FSD1L: variants seen among roughly 807,000 people sequenced by gnomAD.
FSD1L encodes the protein FSD1-like protein.
A neutral mutation model predicts 71.6 loss-of-function variants in FSD1L; 45 were observed. The observed-to-expected ratio is 0.63, with a 90% CI of 0.49 to 0.81. The LOEUF is 0.81. Among genes scored for constraint, FSD1L ranks in the 30% least tolerant of loss-of-function variants. FSD1L has a pLI of 0.00. For synonymous variants in FSD1L, 197 were observed against 207.2 expected (o/e 0.95, Z 0.42); for missense variants, 561 against 618.1 (o/e 0.91, Z 0.98).
intron 10 of FSD1L, among the ~76,000 whole-genome samples, chr9:105,517,022 GA>G (rs1317684095): frequency 3.3e-5 from 5 of 152,172 alleles, no homozygotes; most frequent in African/African-American, 1.2e-4. Flanking sequence ...AGAACTTCGT[GA>G]AGCAAACAAA....
At chr9:105,534,018 C>T (rs1047864250) in intron 10 of FSD1L, among the ~76,000 whole-genome samples, 1 of 152,162 alleles carries the variant, frequency 6.6e-6, no homozygotes, top group Admixed American at 6.5e-5. Flanking sequence ...AGCCACCGTG[C>T]CTGGCCGCCA....
At chr9:105,446,105 C>CAAA (rs146571180), upstream of FSD1L, among the ~76,000 whole-genome samples, 41,099 of 149,532 alleles carry the variant, frequency 0.27, 5,722 homozygotes, top group Non-Finnish European at 0.31. Flanking sequence ...ATTCAGCCCT[C>CAAA]AAAAAAAAAA....
chr9:105,493,469 G>A (rs1833106383), intron 7 of FSD1L, among the ~76,000 whole-genome samples: 1 of 151,494 alleles, frequency 6.6e-6, no homozygotes, highest in Non-Finnish European at 1.5e-5. Flanking sequence ...GCCAGTCTGT[G>A]TCTTTTAATT....
chr9:105,490,411 T>G (rs1227430952), intron 7 of FSD1L, among the ~76,000 whole-genome samples: 1 of 152,256 alleles, frequency 6.6e-6, no homozygotes, highest in East Asian at 1.9e-4. Context: ...ACCTGCCCTT[T>G]GTCAGATGAG....
intron 7 of FSD1L, among the ~76,000 whole-genome samples, chr9:105,502,824 T>TA (rs934749763): frequency 4.1e-4 from 58 of 142,690 alleles, no homozygotes; most frequent in African/African-American, 8.5e-4. Context: ...GAGGTATGAT[T>TA]AAAAAAAAAA....
chr9:105,447,676 C>T (rs1421363956), upstream of FSD1L: 2 of 164,460 alleles, frequency 1.2e-5, no homozygotes, highest in African/African-American at 2.4e-5. Context: ...AGCCCTTTTC[C>T]TCCCTTTGGA....
chr9:105,481,253 C>T (rs1296133365), intron 6 of FSD1L, among the ~76,000 whole-genome samples: 8 of 129,678 alleles, frequency 6.2e-5, no homozygotes, highest in Non-Finnish European at 1.3e-4. Flanking sequence ...AGAATTTTTA[C>T]TTCCTGCCCG....
intron 7 of FSD1L, among the ~76,000 whole-genome samples, chr9:105,492,782 T>C (rs1489362784): frequency 6.6e-6 from 1 of 152,190 alleles, no homozygotes; most frequent in Middle Eastern, 3.2e-3. Flanking sequence ...AGGAGCAGGT[T>C]GTTCAGTTTC....
chr9:105,506,729 T>A, intron 8 of FSD1L, 121 bp downstream of exon 8: 1 of 686,318 alleles, frequency 1.5e-6, no homozygotes, highest in Non-Finnish European at 2.4e-6. Context: ...AGTTTTTAGA[T>A]ACTCAGTATG....
At chr9:105,523,689 T>A in intron 10 of FSD1L, 1 of 1,598,964 alleles carries the variant, frequency 6.3e-7, no homozygotes, top group South Asian at 1.1e-5. Context: ...ACAAGGTAAA[T>A]TACATGCATA....
Position 105,550,666 on chromosome 9 carries a change from C to T in FSD1L, c.*4183C>T, listed in dbSNP as rs925532001. The T allele has an allele frequency of 4.6e-5, 7 of 152,138 alleles. No individual in the cohort carries two copies. Among genetic ancestry groups the T allele is most frequent in the Admixed American group, 2.6e-4 (4 of 15,264 alleles). The allele number at this position is 152,138 out of a possible 1,614,324, so 9.4% of individuals were successfully genotyped here. Reference sequence around the variant, plus strand: ...AATTAGTTGGAGTTTAAATGGATTACATTTGGTGTATATTGTCTTCATTGA... The same window carrying T: ...AATTAGTTGGAGTTTAAATGGATTATATTTGGTGTATATTGTCTTCATTGA... On this transcript the variant is annotated 3_prime_UTR_variant, in exon 14 of 14. Transcript: ENST00000481272.
At chr9:105,446,998 G>C (rs375126317), upstream of FSD1L, among the ~76,000 whole-genome samples, 1 of 151,910 alleles carries the variant, frequency 6.6e-6, no homozygotes, top group Non-Finnish European at 1.5e-5. Flanking sequence ...AGGCCACACC[G>C]AGCAGGTTCT....
Position 105,448,814 on chromosome 9 carries a change from A to C in FSD1L, c.15+579A>C, listed in dbSNP as rs149331024. Reference sequence around the variant, plus strand: ...ATGGAGGGAAAAGACTTCAATTGTTAGGGCAGCCTTCCCACTCTCTGACCA... The same window carrying C: ...ATGGAGGGAAAAGACTTCAATTGTTCGGGCAGCCTTCCCACTCTCTGACCA... On this transcript the variant is annotated intron_variant, in intron 1 of 13. Coordinates refer to ENST00000481272, the MANE Select transcript of FSD1L (RefSeq NM_001145313.3). Among the ~76,000 whole-genome samples, 131 of 152,332 alleles carry C rather than the reference A, an allele frequency of 8.6e-4. 1 individual carries two copies. The highest frequency in any genetic ancestry group is 3.1e-3 in the African/African-American group (130 of 41,574).
rs138625140 is a variant in FSD1L, at chr9:105,538,597, T to C, written c.1379-666T>C. 1.9e-4 allele frequency among the ~76,000 whole-genome samples: 29 copies of C among 152,232 alleles called. No individual in the cohort carries two copies. The East Asian group carries it at 5.0e-3, about 26-fold the overall frequency. ...AGGAGGTCAGACAGACAGTTTTTTT[T>C]AGGGCATGATCCTATTGAAGGATAT... On this transcript the variant is annotated intron_variant, in intron 12 of 13. Coordinates refer to ENST00000481272, the MANE Select transcript of FSD1L (RefSeq NM_001145313.3).
chr9:105,496,065 C>T (rs554894419), intron 7 of FSD1L, among the ~76,000 whole-genome samples: 11 of 151,368 alleles, frequency 7.3e-5, no homozygotes, highest in East Asian at 5.8e-4. Context: ...TTCCCCTTGA[C>T]GATGTCTTTT....
At chr9:105,480,132 G>T (rs1056122263) in intron 6 of FSD1L, among the ~76,000 whole-genome samples, 3 of 152,060 alleles carry the variant, frequency 2.0e-5, no homozygotes, top group Non-Finnish European at 4.4e-5. Context: ...TCATCTGAGG[G>T]TCATGAGATT....
At chr9:105,465,777 TATA>T (rs570942726) in intron 3 of FSD1L, among the ~76,000 whole-genome samples, 40 of 152,132 alleles carry the variant, frequency 2.6e-4, no homozygotes, top group Non-Finnish European at 4.7e-4. Context: ...AGGCCATATG[TATA>T]ATAACAATCT....
intron 1 of FSD1L, among the ~76,000 whole-genome samples, chr9:105,452,660 TGCCTGCCTG>T (rs1564073241): frequency 8.4e-4 from 110 of 130,370 alleles, no homozygotes; most frequent in African/African-American, 1.8e-3. Context: ...CCTGCCTGCC[TGCCTGCCTG>T]CCTTCCTTCC....
intron 2 of FSD1L, among the ~76,000 whole-genome samples, chr9:105,462,693 T>C (rs1830788421): frequency 6.6e-6 from 1 of 150,748 alleles, no homozygotes; most frequent in East Asian, 2.0e-4. Context: ...TGGCTAATTT[T>C]TGTATTTTTA....
Sources: allele counts gnomAD v4.1 joint callset (sites outside exome capture counted in the v4.1 genomes callset), GRCh38; gene constraint gnomAD v4.1.1; transcripts MANE v1.5; gene names NCBI Gene and HGNC (gene_info 2026-07-23, HGNC 2026-07-21).